The following IQCM variants were observed in gnomAD, a reference collection of about 807,000 sequenced individuals.
IQCM encodes the protein IQ domain-containing protein M.
Under a neutral mutation model 57.6 loss-of-function variants are expected in IQCM, and 45 were observed. The ratio of observed to expected loss-of-function variants is 0.78; its 90% confidence interval spans 0.62 to 1.00. The LOEUF (loss-of-function observed/expected upper bound fraction) is 1.00. IQCM is among the 50% of genes least tolerant of loss of function. The probability of loss-of-function intolerance (pLI) is 0.00; values close to 1 mark genes in which losing one functional copy is unlikely to be tolerated. For missense variants in IQCM, 468 were observed against 511.6 expected (o/e 0.91, Z 0.82); for synonymous variants, 148 against 158.9 (o/e 0.93, Z 0.51).
rs150411819 is a variant in IQCM at position 149,491,499 on chromosome 4, G to A, written c.1228+56956C>T. On this transcript the variant is annotated intron_variant, in intron 12 of 13. Coordinates refer to ENST00000636793, the MANE Select transcript of IQCM (RefSeq NM_001363507.2). The stretch of plus-strand genomic sequence containing the variant: ...ACCTTTTCAGATTTCACATGTAGGT[G>A]AGATCATGTGGTATTTGTTTTTCTG... 2.0e-5 allele frequency among the ~76,000 whole-genome samples: 3 copies of A among 152,172 alleles called. No individual in the cohort carries two copies. The East Asian group carries it at 5.8e-4, about 29-fold the overall frequency.
intron 8 of IQCM, among the ~76,000 whole-genome samples, chr4:149,617,172 C>G (rs1340831583): frequency 1.3e-5 from 2 of 152,038 alleles, no homozygotes; most frequent in African/African-American, 2.4e-5. Flanking sequence ...TCAGGGTGGT[C>G]TTGAACTTTC....
At chr4:149,433,681 CT>C (rs977788999) in intron 12 of IQCM, 124 bp from the exon 13 acceptor site, 431 of 390,740 alleles carry the variant, frequency 1.1e-3, no homozygotes, top group Middle Eastern at 2.0e-3. Context: ...GAAAACATGT[CT>C]TTTTTTTTAG....
intron 12 of IQCM, among the ~76,000 whole-genome samples, chr4:149,494,793 A>G (rs1742477703): frequency 6.6e-6 from 1 of 152,104 alleles, no homozygotes; most frequent in Non-Finnish European, 1.5e-5. Context: ...GGTGGATCAG[A>G]ATAAGGGGAA....
At chr4:149,377,230 T>G (rs1302749233) in intron 13 of IQCM, among the ~76,000 whole-genome samples, 1 of 152,196 alleles carries the variant, frequency 6.6e-6, no homozygotes, top group East Asian at 1.9e-4. Context: ...AAAATTAAAT[T>G]TTATTTAGAT....
At position 149,621,112 on chromosome 4, in the gene IQCM, G is replaced by C; in HGVS notation, c.681+17C>G. 1 of 1,139,796 alleles carries C rather than the reference G, an allele frequency of 8.8e-7. No individual in the cohort carries two copies. Among genetic ancestry groups the C allele is most frequent in the African/African-American group, 1.6e-5 (1 of 62,610 alleles). 70.6% of individuals were successfully genotyped at this position (1,139,796 alleles called of 1,614,324 possible). On this transcript the variant is annotated intron_variant, in intron 8 of 13. Transcript: ENST00000636793. ...AAATGGCAATTCAAATCTACATCCA[G>C]TTTTATAAATACTTACAGAATAATA...
At chr4:149,519,096 C>A (rs1745312306) in intron 12 of IQCM, among the ~76,000 whole-genome samples, 2 of 152,116 alleles carry the variant, frequency 1.3e-5, no homozygotes, top group African/African-American at 4.8e-5. Context: ...CCAGATATTA[C>A]TTTTCTTTTT....
intron 2 of IQCM, among the ~76,000 whole-genome samples, chr4:149,754,461 G>C (rs1394264184): frequency 2.0e-5 from 3 of 152,170 alleles, no homozygotes; most frequent in Non-Finnish European, 4.4e-5. Flanking sequence ...ATGTCAGAGG[G>C]TCTTTCTGGG....
At chr4:149,770,298 T>C (rs1209675994) in intron 2 of IQCM, among the ~76,000 whole-genome samples, 1 of 152,112 alleles carries the variant, frequency 6.6e-6, no homozygotes, top group Non-Finnish European at 1.5e-5. Context: ...TAAAATTGAC[T>C]GGATAGCTTT....
chr4:149,475,324 G>C (rs1740062739), intron 12 of IQCM, among the ~76,000 whole-genome samples: 1 of 152,142 alleles, frequency 6.6e-6, no homozygotes, highest in Non-Finnish European at 1.5e-5. Flanking sequence ...GAAGCAATTG[G>C]AAGGATGGAG....
rs1728620282 is a variant in IQCM at position 149,352,042 on chromosome 4, C to T, written c.1415G>A (p.Arg472Gln). The change falls in exon 14 of 14, where the codon CGA (arginine) becomes CAA (glutamine). Residue 472 changes from arginine (R) to glutamine (Q), a missense_variant. Transcript: ENST00000636793. ...YIVNGHPALK[R>Q]ANIRVVGKLV... Reference sequence around the variant, plus strand: ...CTTTCCAACAACCCGGATGTTAGCTCGTTTGAGTGCTGGATGTCCATTTAC... The same window carrying T: ...CTTTCCAACAACCCGGATGTTAGCTTGTTTGAGTGCTGGATGTCCATTTAC... 5.0e-6 allele frequency: 2 copies of T among 398,880 alleles called. No individual in the cohort carries two copies. Among genetic ancestry groups the T allele is most frequent in the East Asian group, 3.6e-5 (1 of 28,054 alleles). The allele number at this position is 398,880 out of a possible 1,614,324, so 24.7% of individuals were successfully genotyped here.
intron 12 of IQCM, among the ~76,000 whole-genome samples, chr4:149,493,821 GA>G (rs956019427): frequency 3.2e-4 from 46 of 142,068 alleles, no homozygotes; most frequent in African/African-American, 9.8e-4. Context: ...TCACTGAGGA[GA>G]AAAAAAAAAT....
At chr4:149,361,984 CT>C (rs1482588532) in intron 13 of IQCM, among the ~76,000 whole-genome samples, 1 of 152,088 alleles carries the variant, frequency 6.6e-6, no homozygotes, top group Non-Finnish European at 1.5e-5. Context: ...AGGGATGGAG[CT>C]GCCCAAGACC....
At chr4:149,490,537 T>C (rs1022233036) in intron 12 of IQCM, among the ~76,000 whole-genome samples, 4 of 152,142 alleles carry the variant, frequency 2.6e-5, no homozygotes, top group Admixed American at 1.3e-4. Flanking sequence ...AAAAATGTTT[T>C]AGAATCATAT....
intron 12 of IQCM, among the ~76,000 whole-genome samples, chr4:149,436,833 T>C (rs1489953210): frequency 1.3e-5 from 2 of 152,118 alleles, no homozygotes; most frequent in Non-Finnish European, 2.9e-5. Flanking sequence ...AGGCCACATA[T>C]GCAATATCTG....
intron 7 of IQCM, among the ~76,000 whole-genome samples, chr4:149,659,500 C>CA (rs1431730957): frequency 1.3e-5 from 2 of 151,902 alleles, no homozygotes; most frequent in African/African-American, 2.4e-5. Flanking sequence ...CATATGAAAC[C>CA]AAAAAAGAGC....
rs148857301 is a variant in IQCM at position 149,407,998 on chromosome 4, A to G, written c.1390+25398T>C. Among the ~76,000 whole-genome samples, 491 of 152,236 alleles carry G rather than the reference A, an allele frequency of 3.2e-3. 4 individuals are homozygous for G. The highest frequency in any genetic ancestry group is 0.011 in the African/African-American group (469 of 41,544). On this transcript the variant is annotated intron_variant, in intron 13 of 13. Transcript: ENST00000636793. Reference sequence around the variant, plus strand: ...ATTCCGTTTTCTCTATAGCCTCACCAACATCTGCTGTTTTTTGACTTTTTA... The same window carrying G: ...ATTCCGTTTTCTCTATAGCCTCACCGACATCTGCTGTTTTTTGACTTTTTA...
chr4:149,505,720 G>T (rs1245218623), intron 12 of IQCM, among the ~76,000 whole-genome samples: 1 of 152,080 alleles, frequency 6.6e-6, no homozygotes, highest in Non-Finnish European at 1.5e-5. Context: ...TGTTATTTGT[G>T]AATGCGTTTG....
intron 13 of IQCM, among the ~76,000 whole-genome samples, chr4:149,367,277 C>G (rs543375536): frequency 6.6e-6 from 1 of 151,862 alleles, no homozygotes; most frequent in African/African-American, 2.4e-5. Context: ...TATATGTATG[C>G]CCTGTATACA....
At chr4:149,542,314 G>T (rs552942206) in intron 12 of IQCM, among the ~76,000 whole-genome samples, 34 of 151,942 alleles carry the variant, frequency 2.2e-4, no homozygotes, top group Non-Finnish European at 3.5e-4. Context: ...ATCATTTACA[G>T]AAAAATCTAA....
Sources: gnomAD v4.1 joint callset for allele counts (sites outside exome capture counted in the v4.1 genomes callset) on GRCh38, gnomAD v4.1.1 for gene constraint, MANE v1.5 for transcripts, NCBI Gene and HGNC (gene_info 2026-07-23, HGNC 2026-07-21) for gene names.